EXOC4: variants seen among roughly 807,000 people sequenced by gnomAD.
EXOC4 encodes exocyst complex component 4.
EXOC4 carries 71 observed loss-of-function variants against 107.2 expected under a neutral mutation model. The ratio of observed to expected loss-of-function variants is 0.66; its 90% CI spans 0.55 to 0.81. The LOEUF is 0.81. Among genes scored for constraint, EXOC4 ranks in the 30% least tolerant of loss-of-function variants. EXOC4 has a pLI of 0.00. For missense variants in EXOC4, 1,108 were observed against 1,189.6 expected (o/e 0.93, Z 1.01); for synonymous variants, 456 against 441.2 (o/e 1.03, Z -0.42).
intron 10 of EXOC4, among the ~76,000 whole-genome samples, chr7:133,637,619 C>T (rs1048602076): frequency 6.6e-6 from 1 of 152,076 alleles, no homozygotes; most frequent in African/African-American, 2.4e-5. Context: ...CCATTTTTCC[C>T]CCTATGCTCA....
intron 7 of EXOC4, among the ~76,000 whole-genome samples, chr7:133,455,145 A>C (rs571692842): frequency 2.6e-5 from 4 of 152,242 alleles, no homozygotes; most frequent in Non-Finnish European, 5.9e-5. Flanking sequence ...AGAAATTAAC[A>C]ACAATAACTA....
intron 17 of EXOC4, among the ~76,000 whole-genome samples, chr7:134,063,850 C>A (rs1796126585): frequency 6.6e-6 from 1 of 152,092 alleles, no homozygotes; most frequent in Non-Finnish European, 1.5e-5. Context: ...CTATTATTAA[C>A]CCACTTTATG....
intron 17 of EXOC4, among the ~76,000 whole-genome samples, chr7:134,049,358 G>T (rs1180740667): frequency 6.6e-6 from 1 of 152,072 alleles, no homozygotes; most frequent in African/African-American, 2.4e-5. Context: ...GGTCTGTTAG[G>T]CTCTAGGCCC....
intron 7 of EXOC4, among the ~76,000 whole-genome samples, chr7:133,412,651 A>G (rs1293628088): frequency 1.3e-5 from 2 of 152,010 alleles, no homozygotes; most frequent in Admixed American, 6.6e-5. Flanking sequence ...GTGAGACTCT[A>G]TCTCTAAAAA....
At chr7:133,549,306 T>C (rs1286422059) in intron 9 of EXOC4, among the ~76,000 whole-genome samples, 1 of 152,184 alleles carries the variant, frequency 6.6e-6, no homozygotes, top group Non-Finnish European at 1.5e-5. Context: ...GCTTTTACAG[T>C]GAGAGACGTG....
intron 10 of EXOC4, among the ~76,000 whole-genome samples, chr7:133,642,296 C>T (rs1802876280): frequency 6.6e-6 from 1 of 152,078 alleles, no homozygotes; most frequent in South Asian, 2.1e-4. Flanking sequence ...ATAAAGGAGT[C>T]CCTCATTCCA....
chr7:133,826,290 T>C (rs981965353), intron 11 of EXOC4, among the ~76,000 whole-genome samples: 2 of 152,234 alleles, frequency 1.3e-5, no homozygotes, highest in Non-Finnish European at 2.9e-5. Flanking sequence ...TTAATTCTAT[T>C]ACTTATTTAG....
intron 10 of EXOC4, among the ~76,000 whole-genome samples, chr7:133,679,145 A>C (rs1203473325): frequency 6.6e-6 from 1 of 152,212 alleles, no homozygotes; most frequent in African/African-American, 2.4e-5. Flanking sequence ...AAAGCAGGAC[A>C]AGTTTACAGT....
intron 14 of EXOC4, among the ~76,000 whole-genome samples, chr7:133,948,197 C>G (rs1039591615): frequency 3.9e-5 from 6 of 152,200 alleles, no homozygotes; most frequent in African/African-American, 1.4e-4. Context: ...TTGTGCTATT[C>G]AATCTGGCCT....
chr7:133,834,435 C>G (rs1797875085), intron 11 of EXOC4, among the ~76,000 whole-genome samples: 1 of 152,144 alleles, frequency 6.6e-6, no homozygotes, highest in South Asian at 2.1e-4. Flanking sequence ...CTTACCCTGG[C>G]CAATGAGGAA....
intron 9 of EXOC4, among the ~76,000 whole-genome samples, chr7:133,627,434 A>G (rs533478509): frequency 2.6e-5 from 4 of 152,296 alleles, no homozygotes; most frequent in South Asian, 2.1e-4. Flanking sequence ...CATCTAGTCT[A>G]TCTCGTAAAG....
At chr7:133,967,342 ATCTGAG>A (rs1801095362) in intron 14 of EXOC4, among the ~76,000 whole-genome samples, 1 of 151,544 alleles carries the variant, frequency 6.6e-6, no homozygotes, top group Non-Finnish European at 1.5e-5. Context: ...CTCTACTCTG[ATCTGAG>A]TTATTTATTC....
chr7:133,935,084 C>T (rs574583796), intron 13 of EXOC4, among the ~76,000 whole-genome samples: 1 of 151,932 alleles, frequency 6.6e-6, no homozygotes, highest in African/African-American at 2.4e-5. Context: ...TTTTTATTGT[C>T]TGGGACTGCA....
At chr7:133,441,624 A>G (rs956373177) in intron 7 of EXOC4, among the ~76,000 whole-genome samples, 1 of 152,064 alleles carries the variant, frequency 6.6e-6, no homozygotes, top group Non-Finnish European at 1.5e-5. Flanking sequence ...AGCTCCTGGC[A>G]TCAAGCAATT....
chr7:133,976,895 C>CT (rs1169574056), intron 14 of EXOC4, among the ~76,000 whole-genome samples: 6 of 152,188 alleles, frequency 3.9e-5, no homozygotes, highest in Admixed American at 6.5e-5. Flanking sequence ...ACATGCAAAA[C>CT]TTTAAGTTTC....
intron 10 of EXOC4, among the ~76,000 whole-genome samples, chr7:133,705,384 A>G (rs1203144559): frequency 6.6e-6 from 1 of 152,194 alleles, no homozygotes; most frequent in East Asian, 1.9e-4. Context: ...AAGAAGAAGA[A>G]TAATTAAGAG....
intron 11 of EXOC4, among the ~76,000 whole-genome samples, chr7:133,847,249 A>C (rs1798145114): frequency 6.6e-6 from 1 of 152,226 alleles, no homozygotes; most frequent in African/African-American, 2.4e-5. Context: ...AGCATAATTT[A>C]GATAAATAAG....
At chr7:133,611,608 C>A (rs1802077968) in intron 9 of EXOC4, among the ~76,000 whole-genome samples, 4 of 152,100 alleles carry the variant, frequency 2.6e-5, no homozygotes, top group African/African-American at 9.7e-5. Context: ...CTACACTCAA[C>A]TTTTTTCACT....
chr7:133,636,070 G>A (rs1400176553), intron 10 of EXOC4, among the ~76,000 whole-genome samples: 1 of 152,304 alleles, frequency 6.6e-6, no homozygotes, highest in East Asian at 1.9e-4. Flanking sequence ...AAGTGTTGGG[G>A]CTGGGTAGAA....
Sources: allele counts gnomAD v4.1 joint callset (sites outside exome capture counted in the v4.1 genomes callset), GRCh38; gene constraint gnomAD v4.1.1; transcripts MANE v1.5; gene names NCBI Gene and HGNC (gene_info 2026-07-23, HGNC 2026-07-21).